NRG4: variants seen among roughly 807,000 people sequenced by gnomAD.
NRG4 encodes the protein neuregulin 4.
In NRG4, 10 loss-of-function variants were observed where a neutral mutation model predicts 15.0. The ratio of observed to expected loss-of-function variants is 0.67; its 90% CI spans 0.41 to 1.13. The LOEUF is 1.13. Ranked by LOEUF, NRG4 falls within the 50% of genes most tolerant of loss-of-function variation. NRG4 has a pLI of 0.00. For synonymous variants in NRG4, 41 were observed against 50.1 expected, an observed-to-expected ratio of 0.82 and a Z score of 0.77; for missense variants, 139 against 140.2, an observed-to-expected ratio of 0.99 and a Z score of 0.04.
intron 3 of NRG4, among the ~76,000 whole-genome samples, chr15:75,966,396 T>C (rs1358632587): frequency 1.3e-5 from 2 of 152,166 alleles, no homozygotes; most frequent in African/African-American, 2.4e-5. Flanking sequence ...CAAAATAACA[T>C]CACATGCTTT....
chr15:75,975,145 C>T (rs983493440), intron 3 of NRG4, among the ~76,000 whole-genome samples: 2 of 152,136 alleles, frequency 1.3e-5, no homozygotes, highest in Non-Finnish European at 2.9e-5. Flanking sequence ...GGTTTAAAGG[C>T]TGTTTTATCG....
intron 4 of NRG4, among the ~76,000 whole-genome samples, chr15:76,050,473 A>G (rs2035973133): frequency 8.8e-6 from 1 of 113,450 alleles, no homozygotes; most frequent in Non-Finnish European, 1.7e-5. Flanking sequence ...ACGGAGTCTC[A>G]CTCTATTGCC....
intron 1 of NRG4, among the ~76,000 whole-genome samples, chr15:76,057,805 T>C (rs889375466): frequency 2.0e-5 from 3 of 151,024 alleles, no homozygotes; most frequent in African/African-American, 7.3e-5. Flanking sequence ...CAATGGCTAT[T>C]ATATTATAAA....
At chr15:75,991,828 C>T (rs2034029041) in intron 3 of NRG4, among the ~76,000 whole-genome samples, 1 of 152,046 alleles carries the variant, frequency 6.6e-6, no homozygotes, top group Admixed American at 6.6e-5. Context: ...CTCTCTCTTT[C>T]AATACACAAT....
At chr15:75,999,802 G>A (rs1180524572) in intron 3 of NRG4, among the ~76,000 whole-genome samples, 3 of 152,142 alleles carry the variant, frequency 2.0e-5, no homozygotes, top group South Asian at 2.1e-4. Context: ...TTGGGAGGCC[G>A]AGATGGGAGG....
chr15:75,949,433 G>T (rs1376736278), intron 5 of NRG4, among the ~76,000 whole-genome samples: 1 of 151,278 alleles, frequency 6.6e-6, no homozygotes, highest in Non-Finnish European at 1.5e-5. Context: ...CTTTAAATGG[G>T]CTGTCTTTTT....
intron 3 of NRG4, among the ~76,000 whole-genome samples, chr15:75,984,108 T>C (rs2133410): frequency 0.06 from 9,166 of 152,224 alleles, 565 homozygotes; most frequent in African/African-American, 0.17. Context: ...GGTATGATAG[T>C]ATAATGGTGG....
intron 5 of NRG4, among the ~76,000 whole-genome samples, chr15:75,951,322 C>T: frequency 6.6e-6 from 1 of 151,940 alleles, no homozygotes; most frequent in Middle Eastern, 3.4e-3. Context: ...CGCCTGCCAC[C>T]ACGCCCAGCT....
Position 75,986,208 on chromosome 15 carries a change from C to T in NRG4, c.104+22992G>A, listed in dbSNP as rs2033797708. On this transcript the variant is annotated intron_variant, in intron 3 of 5. Transcript: ENST00000394907. ...TAAAAACCCAAAGTTAGGCAACATA[C>T]TCTGCTAGGAAATGACATACTCTCA... 2.0e-5 allele frequency among the ~76,000 whole-genome samples: 3 copies of T among 152,126 alleles called. No individual in the cohort carries two copies. The South Asian group carries it at 6.2e-4, about 32-fold the overall frequency.
rs182561684 is a variant in NRG4 at position 76,017,436 on chromosome 15, G to A, written c.-56-6150C>T. Among the ~76,000 whole-genome samples the A allele has an allele frequency of 3.7e-3, 570 of 152,018 alleles. 1 individual carries two copies. The highest frequency in any genetic ancestry group is 4.5e-3 in the Non-Finnish European group (309 of 67,958). ...GTTGATGCAGTTTCTTCATAGTGTC[G>A]ATGGTCTTTACAATTTGTTTTTGCA... On this transcript the variant is annotated intron_variant, in intron 5 of 8. Coordinates refer to the NRG4 transcript ENST00000563910.
At chr15:76,048,309 T>C (rs1054912789) in intron 4 of NRG4, among the ~76,000 whole-genome samples, 7 of 150,206 alleles carry the variant, frequency 4.7e-5, no homozygotes, top group Non-Finnish European at 7.4e-5. Context: ...CCATCTCTAC[T>C]AAAAACATCA....
chr15:75,996,119 A>G (rs1013027287), intron 3 of NRG4, among the ~76,000 whole-genome samples: 2 of 152,224 alleles, frequency 1.3e-5, no homozygotes, highest in Non-Finnish European at 2.9e-5. Context: ...TGTCAGTTAT[A>G]TATCATCATA....
intron 3 of NRG4, among the ~76,000 whole-genome samples, chr15:76,001,050 G>A (rs959319001): frequency 6.6e-6 from 1 of 152,076 alleles, no homozygotes; most frequent in Non-Finnish European, 1.5e-5. Flanking sequence ...ACAGTGGCAT[G>A]ATCATGTTCA....
chr15:75,979,680 G>A (rs2033527146), intron 3 of NRG4, among the ~76,000 whole-genome samples: 1 of 151,956 alleles, frequency 6.6e-6, no homozygotes, highest in South Asian at 2.1e-4. Context: ...TTTATTTTCT[G>A]GATATTATAT....
At chr15:76,024,062 G>T (rs1228338335) in intron 5 of NRG4, among the ~76,000 whole-genome samples, 1 of 152,268 alleles carries the variant, frequency 6.6e-6, no homozygotes, top group Middle Eastern at 3.4e-3. Flanking sequence ...TTGCCCAAAG[G>T]CCCCATGCCT....
chr15:76,036,158 CAA>C (rs1239765478), intron 4 of NRG4, among the ~76,000 whole-genome samples: 1 of 152,172 alleles, frequency 6.6e-6, no homozygotes. Flanking sequence ...GTTTCTAAGA[CAA>C]AAAGACTGAG....
upstream of NRG4, among the ~76,000 whole-genome samples, chr15:76,014,114 T>C (rs1223238428): frequency 6.6e-6 from 1 of 152,230 alleles, no homozygotes; most frequent in Non-Finnish European, 1.5e-5. Context: ...CTTTTTTTCA[T>C]ACGTTTGTTG....
intron 4 of NRG4, 123 bp downstream of exon 4, chr15:75,961,705 A>C: frequency 2.9e-6 from 2 of 687,286 alleles, no homozygotes; most frequent in Non-Finnish European, 4.9e-6. Flanking sequence ...ACTGTATTAA[A>C]GAGATAACTA....
chr15:75,985,425 T>C lies in NRG4; in HGVS notation c.105-23451A>G, dbSNP rs866727000. Among the ~76,000 whole-genome samples, 9 of 152,308 alleles carry C rather than the reference T, an allele frequency of 5.9e-5. 1 individual carries two copies. In the Middle Eastern group the frequency reaches 0.014, roughly 230 times the overall value. On this transcript the variant is annotated intron_variant, in intron 3 of 5. Transcript: ENST00000394907. ...ACAATTTAAGTGAAGTGTTATCTAC[T>C]AGGGAAGCTCATCAGAGACTTAGTG...
Sources: gnomAD v4.1 joint callset for allele counts (sites outside exome capture counted in the v4.1 genomes callset) on GRCh38, gnomAD v4.1.1 for gene constraint, MANE v1.5 for transcripts, NCBI Gene and HGNC (gene_info 2026-07-23, HGNC 2026-07-21) for gene names.